PARD3B: variants seen among roughly 807,000 people sequenced by gnomAD.
PARD3B encodes the protein partitioning defective 3 homolog B.
PARD3B carries 103 observed loss-of-function variants against 130.2 expected under a neutral mutation model. The observed-to-expected ratio is 0.79, with a 90% CI of 0.67 to 0.93. The LOEUF is 0.93. PARD3B is among the 40% of genes least tolerant of loss of function. The probability of loss-of-function intolerance (pLI) is 0.00; values close to 1 mark genes in which losing one functional copy is unlikely to be tolerated. For missense variants in PARD3B, 1,609 were observed against 1,499.2 expected (o/e 1.07, Z -1.21); for synonymous variants, 583 against 553.2 (o/e 1.05, Z -0.76).
intron 2 of PARD3B, among the ~76,000 whole-genome samples, chr2:204,961,375 G>A (rs939728226): frequency 6.6e-5 from 10 of 152,172 alleles, no homozygotes; most frequent in African/African-American, 2.4e-4. Context: ...AGAGCAAGAG[G>A]GGAGAGAAAG....
At chr2:204,603,009 G>A (rs1245320240) in intron 1 of PARD3B, among the ~76,000 whole-genome samples, 1 of 151,958 alleles carries the variant, frequency 6.6e-6, no homozygotes, top group Non-Finnish European at 1.5e-5. Flanking sequence ...GTTACTTTTA[G>A]AAAAACAATT....
intron 10 of PARD3B, among the ~76,000 whole-genome samples, chr2:205,154,744 TA>T (rs2125703385): frequency 6.6e-6 from 1 of 152,278 alleles, no homozygotes; most frequent in South Asian, 2.1e-4. Flanking sequence ...ATGTCCTTTG[TA>T]GGAACATGGA....
intron 20 of PARD3B, among the ~76,000 whole-genome samples, chr2:205,495,294 A>T: frequency 1.3e-5 from 2 of 152,322 alleles, no homozygotes; most frequent in Admixed American, 1.3e-4. Context: ...ACATCATGTT[A>T]TTATACTGCT....
In PARD3B at chr2:204,610,785, A is replaced by G. The variant is rs1486522365; in HGVS notation, c.120+64666A>G. ...GCACCCTAAGAACAAATACATGGCC[A>G]GTGGTTCCAATCCATGTTACAGCTG... On this transcript the variant is annotated intron_variant, in intron 1 of 22. Coordinates refer to ENST00000406610, the MANE Select transcript of PARD3B (RefSeq NM_001302769.2). This position sits in a 1 kb window ranked among gnomAD's most constrained non-coding sequence, Gnocchi z 4.1. 2.0e-5 allele frequency among the ~76,000 whole-genome samples: 3 copies of G among 152,214 alleles called. No individual in the cohort carries two copies. Among genetic ancestry groups the G allele is most frequent in the Non-Finnish European group, 4.4e-5 (3 of 68,024 alleles).
intron 2 of PARD3B, among the ~76,000 whole-genome samples, chr2:204,847,735 G>T (rs76241689): frequency 0.017 from 2,583 of 152,150 alleles, 77 homozygotes; most frequent in African/African-American, 0.057. Context: ...ACTTAATAAC[G>T]TCCCTGAAGC....
At chr2:205,514,481 T>C (rs2050710652) in intron 21 of PARD3B, among the ~76,000 whole-genome samples, 1 of 152,116 alleles carries the variant, frequency 6.6e-6, no homozygotes, top group African/African-American at 2.4e-5. Flanking sequence ...CATTAGGAAC[T>C]AAAAAAGACA....
At chr2:204,620,767 T>A (rs556203521) in intron 1 of PARD3B, among the ~76,000 whole-genome samples, 2 of 152,150 alleles carry the variant, frequency 1.3e-5, no homozygotes, top group African/African-American at 2.4e-5. Flanking sequence ...ATGGGAAGTA[T>A]GTACTTTCAG....
chr2:204,626,679 T>C (rs1414226696), intron 1 of PARD3B, among the ~76,000 whole-genome samples: 10 of 152,158 alleles, frequency 6.6e-5, no homozygotes, highest in Non-Finnish European at 1.3e-4. Context: ...CTTAAAATCC[T>C]CTTCTTTCAA....
At chr2:204,774,180 C>A (rs2041512370) in intron 2 of PARD3B, among the ~76,000 whole-genome samples, 1 of 151,806 alleles carries the variant, frequency 6.6e-6, no homozygotes, top group African/African-American at 2.4e-5. Context: ...TCAAATAGCA[C>A]CTTTCTTCTT....
intron 4 of PARD3B, among the ~76,000 whole-genome samples, chr2:205,101,153 A>G (rs1702760365): frequency 6.6e-6 from 1 of 152,208 alleles, no homozygotes; most frequent in Admixed American, 6.5e-5. Flanking sequence ...AAAAAGACAA[A>G]TAGACATTTC....
At chr2:204,733,302 A>G (rs1439544761) in intron 2 of PARD3B, among the ~76,000 whole-genome samples, 1 of 152,210 alleles carries the variant, frequency 6.6e-6, no homozygotes, top group Non-Finnish European at 1.5e-5. Flanking sequence ...ATTTGACAAA[A>G]TATGTGAAAG....
chr2:205,083,511 C>T (rs1408735265), intron 4 of PARD3B, among the ~76,000 whole-genome samples: 1 of 151,752 alleles, frequency 6.6e-6, no homozygotes, highest in Non-Finnish European at 1.5e-5. Flanking sequence ...CCTGACCATA[C>T]CCTCTCTTTG....
intron 2 of PARD3B, among the ~76,000 whole-genome samples, chr2:204,918,915 T>A (rs1575304808): frequency 6.6e-6 from 1 of 151,936 alleles, no homozygotes; most frequent in African/African-American, 2.4e-5. Context: ...TGAATCACCA[T>A]CCTTGGTCCC....
In PARD3B at chr2:205,142,269, A is replaced by C. The variant is rs1018432443; in HGVS notation, c.1435-16453A>C. 6.6e-6 allele frequency among the ~76,000 whole-genome samples: 1 copy of C among 152,202 alleles called. No homozygotes were observed. The highest frequency in any genetic ancestry group is 1.5e-5 in the Non-Finnish European group (1 of 68,036). ...TAGGTGGAGAGAATCCCATTTAAAT[A>C]GTTAAAGAAGGTATATGTAACATTT... On this transcript the variant is annotated intron_variant, in intron 10 of 22. Transcript: ENST00000406610. The surrounding 1 kb of genome is among the most constrained non-coding windows in gnomAD (Gnocchi z 4.3).
chr2:205,398,671 A>G (rs2046124972), intron 18 of PARD3B, among the ~76,000 whole-genome samples: 1 of 152,214 alleles, frequency 6.6e-6, no homozygotes, highest in African/African-American at 2.4e-5. Context: ...TGGCACAATT[A>G]TGAATATAAG....
At chr2:205,314,458 G>T (rs145064523) in intron 18 of PARD3B, among the ~76,000 whole-genome samples, 5 of 152,118 alleles carry the variant, frequency 3.3e-5, no homozygotes, top group Admixed American at 1.3e-4. Flanking sequence ...TTTGCCATCC[G>T]TTGGATTTTC....
At chr2:204,682,611 T>C (rs537119129) in intron 1 of PARD3B, among the ~76,000 whole-genome samples, 1 of 152,334 alleles carries the variant, frequency 6.6e-6, no homozygotes, top group Admixed American at 6.5e-5. Flanking sequence ...AGGAAACCAG[T>C]TGCATGGCTG....
intron 4 of PARD3B, among the ~76,000 whole-genome samples, chr2:205,061,619 A>G (rs1440503948): frequency 3.9e-5 from 6 of 152,120 alleles, no homozygotes; most frequent in East Asian, 1.9e-4. Flanking sequence ...AAGATAGACT[A>G]TAGAAGTAAG....
chr2:204,830,883 T>C (rs1164000813), intron 2 of PARD3B, among the ~76,000 whole-genome samples: 1 of 152,230 alleles, frequency 6.6e-6, no homozygotes, highest in East Asian at 1.9e-4. Context: ...GTCTCTGATA[T>C]ATGTGTAAAG....
Sources: gnomAD v4.1 joint callset for allele counts (sites outside exome capture counted in the v4.1 genomes callset) on GRCh38, gnomAD v4.1.1 for gene constraint, Gnocchi (gnomAD v3.1) non-coding constraint, MANE v1.5 for transcripts, NCBI Gene and HGNC (gene_info 2026-07-23, HGNC 2026-07-21) for gene names.